The following IGSF3 variants were observed in gnomAD, a reference collection of about 807,000 sequenced individuals.
IGSF3 encodes the protein immunoglobulin superfamily member 3, also known as glu-Trp-Ile EWI motif-containing protein 3.
Under a neutral mutation model 114.4 loss-of-function variants are expected in IGSF3, and 23 were observed. The observed-to-expected ratio is 0.20, with a 90% CI of 0.14 to 0.28. The LOEUF (loss-of-function observed/expected upper bound fraction) is 0.28, where lower values mean the gene tolerates loss of function less well. IGSF3 is among the 10% of genes least tolerant of loss of function. The pLI is 1.00. For missense variants in IGSF3, 1,172 were observed against 1,591.5 expected (o/e 0.74, Z 4.48); for synonymous variants, 571 against 645.2 (o/e 0.88, Z 1.74).
In IGSF3 at chr1:116,592,704, C is replaced by G. The variant is rs1334339296; in HGVS notation, c.2030-3600G>C. Among the ~76,000 whole-genome samples, 1 of 152,154 alleles carries G rather than the reference C, an allele frequency of 6.6e-6. No individual in the cohort carries two copies. Among genetic ancestry groups the G allele is most frequent in the Non-Finnish European group, 1.5e-5 (1 of 68,042 alleles). ...TCATTTATTTCTTCAATAAAGGATT[C>G]CCTTACGCTCTACTATAGCTGTGTT... On this transcript the variant is annotated intron_variant, in intron 7 of 10. Coordinates refer to ENST00000369486, the MANE Select transcript of IGSF3 (RefSeq NM_001007237.3). The surrounding 1 kb of genome is among the most constrained non-coding windows in gnomAD (Gnocchi z 4.5).
intron 9 of IGSF3, among the ~76,000 whole-genome samples, chr1:116,581,959 C>T (rs1339778977): frequency 6.6e-6 from 1 of 152,122 alleles, no homozygotes; most frequent in Non-Finnish European, 1.5e-5. Flanking sequence ...TGGCCCTGGG[C>T]GATGTGCAGT....
intron 2 of IGSF3, among the ~76,000 whole-genome samples, chr1:116,659,598 C>T (rs1327737629): frequency 1.4e-5 from 2 of 146,970 alleles, no homozygotes; most frequent in South Asian, 2.2e-4. Context: ...GAGGAACTCC[C>T]TTTTTTTTTT....
At chr1:116,635,024 C>T (rs6674130) in intron 2 of IGSF3, among the ~76,000 whole-genome samples, 3,074 of 152,258 alleles carry the variant, frequency 0.02, 106 homozygotes, top group African/African-American at 0.07. Context: ...AAGACTGAGC[C>T]AGAACCACGA....
Position 116,594,951 on chromosome 1 carries a change from C to T in IGSF3, c.2029+4990G>A, listed in dbSNP as rs1273514639. Among the ~76,000 whole-genome samples the T allele has an allele frequency of 6.6e-6, 1 of 152,138 alleles. No individual in the cohort carries two copies. The highest frequency in any genetic ancestry group is 1.5e-5 in the Non-Finnish European group (1 of 68,032). Reference sequence around the variant, plus strand: ...CCCTGTGCTGGCTCTGCCTCCACACCTGTAACGCTTTTCTGCTCTCCTTTG... The same window carrying T: ...CCCTGTGCTGGCTCTGCCTCCACACTTGTAACGCTTTTCTGCTCTCCTTTG... On this transcript the variant is annotated intron_variant, in intron 7 of 10. Transcript: ENST00000369486. This position sits in a 1 kb window ranked among gnomAD's most constrained non-coding sequence, Gnocchi z 5.2.
In IGSF3 at chr1:116,616,051, C is replaced by G. The variant is rs1189074055; in HGVS notation, c.421+29G>C. On this transcript the variant is annotated intron_variant, in intron 3 of 10. Transcript: ENST00000369486. This position sits in a 1 kb window ranked among gnomAD's most constrained non-coding sequence, Gnocchi z 6.6. Reference sequence around the variant, plus strand: ...CTAAAGAACTGAGTCAGGCCAGACGCTGGCAACGTGAAGACAGCTTCTCCT... The same window carrying G: ...CTAAAGAACTGAGTCAGGCCAGACGGTGGCAACGTGAAGACAGCTTCTCCT... The G allele has an allele frequency of 1.9e-6, 3 of 1,572,598 alleles. No individual in the cohort carries two copies. The highest frequency in any genetic ancestry group is 2.6e-6 in the Non-Finnish European group (3 of 1,149,380).
At position 116,577,673 on chromosome 1, in the gene IGSF3, C is replaced by A; in HGVS notation, c.3335-111G>T. On this transcript the variant is annotated intron_variant, in intron 10 of 10. Coordinates refer to ENST00000369486, the MANE Select transcript of IGSF3 (RefSeq NM_001007237.3). The surrounding 1 kb of genome is among the most constrained non-coding windows in gnomAD (Gnocchi z 5.7). ...AGTGGAAGCTCCTCGGTGACACTCC[C>A]ACACCACCTTGTCTTTCCCCTGCTA... 1.1e-6 allele frequency: 1 copy of A among 941,788 alleles called. No homozygotes were observed. The highest frequency in any genetic ancestry group is 1.6e-6 in the Non-Finnish European group (1 of 614,842). 58.3% of individuals were successfully genotyped at this position (941,788 alleles called of 1,614,324 possible).
At position 116,615,156 on chromosome 1, in the gene IGSF3, C is replaced by T. The variant is rs1661169516; in HGVS notation, c.421+924G>A. ...AGGCATGGTAGTGCATGCCTGTAAT[C>T]CCAGCTACTCGGGAGGCTGAGGCAG... is the stretch of plus-strand genomic sequence containing the variant. On this transcript the variant is annotated intron_variant, in intron 3 of 10. Coordinates refer to ENST00000369486, the MANE Select transcript of IGSF3 (RefSeq NM_001007237.3). This position sits in a 1 kb window ranked among gnomAD's most constrained non-coding sequence, Gnocchi z 4.3. 6.6e-6 allele frequency among the ~76,000 whole-genome samples: 1 copy of T among 152,118 alleles called. No homozygotes were observed. The highest frequency in any genetic ancestry group is 6.5e-5 in the Admixed American group (1 of 15,276).
Position 116,603,668 on chromosome 1 carries a change from A to G in IGSF3, c.1580T>C (p.Val527Ala). 6.2e-7 allele frequency: 1 copy of G among 1,613,860 alleles called. No individual in the cohort carries two copies. ...VRAVDGEWQI[V>A]GERRASTPIS... ...GGGAGTGCTGGCCCGGCGCTCCCCA[A>G]CAATCTGCCACTCGCCATCCACTGC... is the stretch of plus-strand genomic sequence containing the variant. The change falls in exon 6 of 11, where the codon GTT (valine) becomes GCT (alanine). Residue 527 changes from valine to alanine, a missense_variant. This residue lies in a region of IGSF3 where 736 missense variants were observed against 1,042.0 expected (regional missense o/e 0.71). Coordinates refer to ENST00000369486, the MANE Select transcript of IGSF3 (RefSeq NM_001007237.3). This position sits in a 1 kb window ranked among gnomAD's most constrained non-coding sequence, Gnocchi z 7.1.
chr1:116,646,509 CA>C (rs1648379052), intron 2 of IGSF3, among the ~76,000 whole-genome samples: 1 of 100,904 alleles, frequency 9.9e-6, no homozygotes. Flanking sequence ...TTTTGGCTCA[CA>C]AACAGTCAAG....
chr1:116,659,968 C>T (rs1649042800), intron 2 of IGSF3, among the ~76,000 whole-genome samples: 1 of 152,140 alleles, frequency 6.6e-6, no homozygotes, highest in South Asian at 2.1e-4. Flanking sequence ...ATGCACTGCA[C>T]ACCCAAAGCC....
intron 2 of IGSF3, among the ~76,000 whole-genome samples, chr1:116,645,088 C>T (rs1648300460): frequency 6.6e-6 from 1 of 152,140 alleles, no homozygotes; most frequent in South Asian, 2.1e-4. Flanking sequence ...ATAGTAGCCC[C>T]AAACTGGAAA....
chr1:116,597,612 C>T (rs1192071376), intron 7 of IGSF3, among the ~76,000 whole-genome samples: 1 of 152,172 alleles, frequency 6.6e-6, no homozygotes, highest in Non-Finnish European at 1.5e-5. Context: ...GTCTCCTCTG[C>T]CAACCACTGT....
intron 6 of IGSF3, among the ~76,000 whole-genome samples, chr1:116,602,362 T>TAAA (rs113856068): frequency 1.4e-5 from 2 of 145,202 alleles, no homozygotes; most frequent in African/African-American, 2.5e-5. Flanking sequence ...CCAGGATGGT[T>TAAA]AAAAAAAAAA....
chr1:116,611,789 T>C (rs978148096), intron 4 of IGSF3, among the ~76,000 whole-genome samples: 5 of 152,060 alleles, frequency 3.3e-5, no homozygotes, highest in African/African-American at 1.2e-4. Flanking sequence ...CCCAGAGCAC[T>C]CTATACAAAT....
rs1571180942 is a variant in IGSF3, at chr1:116,638,539, C to T, written c.44-22082G>A. On this transcript the variant is annotated intron_variant, in intron 2 of 10. Transcript: ENST00000369486. The surrounding 1 kb of genome is among the most constrained non-coding windows in gnomAD (Gnocchi z 4.1). ...CCATTCCACCTACTCAGTCTGACAC[C>T]CACCACTCCCTCCAAACATCCCCGG... Among the ~76,000 whole-genome samples the T allele has an allele frequency of 6.6e-6, 1 of 152,240 alleles. No individual in the cohort carries two copies. Among genetic ancestry groups the T allele is most frequent in the Non-Finnish European group, 1.5e-5 (1 of 68,014 alleles).
rs1660328073 is a variant in IGSF3, at chr1:116,596,029, C to A, written c.2029+3912G>T. Among the ~76,000 whole-genome samples, 1 of 152,210 alleles carries A rather than the reference C, an allele frequency of 6.6e-6. No individual in the cohort carries two copies. Among genetic ancestry groups the A allele is most frequent in the Non-Finnish European group, 1.5e-5 (1 of 68,046 alleles). ...TTCTGTTGGGGATATGCATATGCAACAGGAAGCACACACAGGGAATGGTCA... is the reference window on the plus strand; with the variant it reads ...TTCTGTTGGGGATATGCATATGCAAAAGGAAGCACACACAGGGAATGGTCA... On this transcript the variant is annotated intron_variant, in intron 7 of 10. Coordinates refer to ENST00000369486, the MANE Select transcript of IGSF3 (RefSeq NM_001007237.3). This position sits in a 1 kb window ranked among gnomAD's most constrained non-coding sequence, Gnocchi z 4.1.
intron 2 of IGSF3, among the ~76,000 whole-genome samples, chr1:116,658,388 C>G (rs927574058): frequency 2.0e-5 from 3 of 152,006 alleles, no homozygotes; most frequent in African/African-American, 7.3e-5. Context: ...GGTACAGAAA[C>G]AGGCCCCCCT....
Position 116,628,841 on chromosome 1 carries a change from T to G in IGSF3, c.44-12384A>C, listed in dbSNP as rs541979142. Among the ~76,000 whole-genome samples the G allele has an allele frequency of 6.6e-6, 1 of 152,314 alleles. No homozygotes were observed. The highest frequency in any genetic ancestry group is 2.1e-4 in the South Asian group (1 of 4,830). On this transcript the variant is annotated intron_variant, in intron 2 of 10. Transcript: ENST00000369486. This position sits in a 1 kb window ranked among gnomAD's most constrained non-coding sequence, Gnocchi z 4.2. The stretch of plus-strand genomic sequence containing the variant: ...TTTTCCCTATTCAATTCAAGGACCA[T>G]GTTCTTGAGCATAACTATGACCAGG...
In IGSF3 at chr1:116,608,156, G is replaced by A. The variant is rs781182668; in HGVS notation, c.1008C>T (p.Leu336=). 6.2e-7 allele frequency: 1 copy of A among 1,612,960 alleles called. No homozygotes were observed. The highest frequency in any genetic ancestry group is 1.1e-5 in the South Asian group (1 of 91,046). ...ATMGPNAVPV[L]NSEFAHREAR... is the part of the protein sequence containing the mutation. Reference sequence around the variant, plus strand: ...CTTCCCGGTGAGCAAATTCGCTGTTGAGGACAGGCACAGCGTTAGGACCCA... The same window carrying A: ...CTTCCCGGTGAGCAAATTCGCTGTTAAGGACAGGCACAGCGTTAGGACCCA... The change falls in exon 5 of 11, where the codon CTC becomes CTT. Residue 336 remains leucine, a synonymous_variant. Transcript: ENST00000369486.
Sources: allele counts gnomAD v4.1 joint callset (sites outside exome capture counted in the v4.1 genomes callset), GRCh38; gene constraint gnomAD v4.1.1; regional missense constraint gnomAD v4.1.1; non-coding constraint Gnocchi (gnomAD v3.1); transcripts MANE v1.5; gene names NCBI Gene and HGNC (gene_info 2026-07-23, HGNC 2026-07-21).